Variants in XAB2 observed in about 807,000 individuals in gnomAD.
XAB2 encodes pre-mRNA-splicing factor SYF1.
Under a neutral mutation model 113.4 loss-of-function variants are expected in XAB2, and 57 were observed. That is an observed-to-expected ratio of 0.50 (90% CI 0.41 to 0.63). The LOEUF is 0.63. Ranked by LOEUF, XAB2 falls within the 20% of genes least tolerant of loss-of-function variation. The pLI is 0.00. For synonymous variants in XAB2, 497 were observed against 498.8 expected (o/e 1.00, Z 0.05); for missense variants, 1,037 against 1,233.3 (o/e 0.84, Z 2.38).
intron 16 of XAB2, 99 bp downstream of exon 16, chr19:7,620,176 G>A (rs2030999273): frequency 1.3e-6 from 2 of 1,594,954 alleles, no homozygotes; most frequent in South Asian, 2.2e-5. Context: ...CCCTCAAGGA[G>A]ATTGCCATCA....
Position 7,619,910 on chromosome 19 carries a change from G to A in XAB2, c.2396+36C>T, listed in dbSNP as rs370115615. ...CCCACCCCGGGCCCCCTTGGGACCT[G>A]TCCCAGTCCTGTCCCGTCCAAGGAT... On this transcript the variant is annotated intron_variant, in intron 17 of 18. Transcript: ENST00000358368. 2.3e-4 allele frequency: 369 copies of A among 1,609,816 alleles called. 1 individual carries two copies. The highest frequency in any genetic ancestry group is 1.4e-3 in the African/African-American group (102 of 75,052).
intron 12 of XAB2, chr19:7,621,509 G>C: frequency 1.7e-6 from 1 of 597,348 alleles, no homozygotes; most frequent in Non-Finnish European, 3.0e-6. Context: ...GGTGCAATGG[G>C]ACCTGCTAAG....
chr19:7,619,550 G>C lies in XAB2; in HGVS notation c.*36C>G. 3 of 1,443,236 alleles carry C rather than the reference G, an allele frequency of 2.1e-6. No homozygotes were observed. In the South Asian group the frequency reaches 4.1e-5, roughly 20 times the overall value. The allele number at this position is 1,443,236 out of a possible 1,614,324, so 89.4% of individuals were successfully genotyped here. On this transcript the variant is annotated 3_prime_UTR_variant, in exon 19 of 19. Coordinates refer to ENST00000358368, the MANE Select transcript of XAB2 (RefSeq NM_020196.3). ...TGATGTACAAACGTAGCTGTATTGGGGAGGGGGTGGGGAGGGGGGATGGGG... is the reference window on the plus strand; with the variant it reads ...TGATGTACAAACGTAGCTGTATTGGCGAGGGGGTGGGGAGGGGGGATGGGG...
Position 7,628,723 on chromosome 19 carries a change from C to T in XAB2, c.52-425G>A, listed in dbSNP as rs957507180. On this transcript the variant is annotated intron_variant, in intron 1 of 18. Coordinates refer to ENST00000358368, the MANE Select transcript of XAB2 (RefSeq NM_020196.3). The surrounding 1 kb of genome is among the most constrained non-coding windows in gnomAD (Gnocchi z 4.6). ...CTTTGGCCCCTCAGACTCCCACTGT[C>T]ACCATCTGACCCATCTCCACCCCAG... Among the ~76,000 whole-genome samples the T allele has an allele frequency of 7.9e-5, 12 of 152,154 alleles. No homozygotes were observed. Among genetic ancestry groups the T allele is most frequent in the African/African-American group, 2.7e-4 (11 of 41,422 alleles).
In XAB2 at chr19:7,625,934, G is replaced by C. The variant is rs750501750; in HGVS notation, c.768C>G (p.Gly256=). 1 of 1,613,678 alleles carries C rather than the reference G, an allele frequency of 6.2e-7. No homozygotes were observed. Among genetic ancestry groups the C allele is most frequent in the Non-Finnish European group, 8.5e-7 (1 of 1,179,834 alleles). ...AGTCGGCGAGAGAACACCAGAGCTT[G>C]CCCAGCTGGTCGGTGAAGCGGGTGA... ...GGLTRFTDQL[G]KLWCSLADYY... The change falls in exon 6 of 19, where the codon GGC becomes GGG. Residue 256 remains glycine (G), a synonymous_variant. Coordinates refer to ENST00000358368, the MANE Select transcript of XAB2 (RefSeq NM_020196.3). This position sits in a 1 kb window ranked among gnomAD's most constrained non-coding sequence, Gnocchi z 5.2.
chr19:7,622,469 TTGGAGCTGGTTC>T (rs1568453710), intron 11 of XAB2, 25 bp from the exon 12 acceptor site: 3 of 1,613,964 alleles, frequency 1.9e-6, no homozygotes, highest in South Asian at 1.1e-5. Flanking sequence ...ATGGGAAAGG[TTGGAGCTGGTTC>T]TGGAGCTGAG....
At position 7,623,209 on chromosome 19, in the gene XAB2, C is replaced by T. The variant is rs751693059; in HGVS notation, c.1200G>A (p.Ala400=). The T allele has an allele frequency of 8.1e-6, 13 of 1,613,858 alleles. No individual in the cohort carries two copies. Among genetic ancestry groups the T allele is most frequent in the Admixed American group, 5.0e-5 (3 of 60,026 alleles). ...CGTTGTCCTCATAAAACTTGGCAAA[C>T]GCCACCCACAGAGTGTGGGGCTTGC... is the stretch of plus-strand genomic sequence containing the variant. The part of the protein sequence containing the change: ...ATGKPHTLWV[A]FAKFYEDNGQ... The change falls in exon 9 of 19, where the codon GCG becomes GCA. Residue 400 remains alanine, a synonymous_variant. Transcript: ENST00000358368. This position sits in a 1 kb window ranked among gnomAD's most constrained non-coding sequence, Gnocchi z 4.6.
chr19:7,626,050 G>C lies in XAB2; in HGVS notation c.658-6C>G. On this transcript the variant is annotated splice_polypyrimidine_tract_variant and splice_region_variant and intron_variant, in intron 5 of 18. Coordinates refer to ENST00000358368, the MANE Select transcript of XAB2 (RefSeq NM_020196.3). ...TCGCACAGCTCGTGCCACAGCTGCA[G>C]GGCATGGGGCAGTGGGGGAGAGTCT... The C allele has an allele frequency of 6.2e-7, 1 of 1,608,184 alleles. No individual in the cohort carries two copies. The highest frequency in any genetic ancestry group is 8.5e-7 in the Non-Finnish European group (1 of 1,175,480).
intron 12 of XAB2, 146 bp from the exon 13 acceptor site, chr19:7,621,443 A>C: frequency 1.2e-6 from 1 of 842,238 alleles, no homozygotes; most frequent in Non-Finnish European, 1.9e-6. Context: ...CCCTAATGGC[A>C]GTTGTGGGGG....
In XAB2 at chr19:7,620,343, G is replaced by A. The variant is rs762181946; in HGVS notation, c.2198C>T (p.Thr733Met). The change falls in exon 16 of 19, where the codon ACG (threonine) becomes ATG (methionine). Residue 733 changes from threonine (T) to methionine (M), a missense_variant. By Grantham distance (81) the Thr-to-Met change is moderately conservative. Coordinates refer to ENST00000358368, the MANE Select transcript of XAB2 (RefSeq NM_020196.3). ...CATGAAGTTGACCTGCGTGTTGTAC[G>A]TGGCCTGCACGCTGCGCCGGATACG... ...MLRIRRSVQA[T>M]YNTQVNFMAS... The A allele has an allele frequency of 7.4e-6, 12 of 1,613,650 alleles. No homozygotes were observed. Among genetic ancestry groups the A allele is most frequent in the South Asian group, 5.5e-5 (5 of 91,090 alleles).
chr19:7,623,220 G>C lies in XAB2; in HGVS notation c.1189C>G (p.Leu397Val). ...PFKATGKPHT[L>V]WVAFAKFYED... ...TAAAACTTGGCAAACGCCACCCACA[G>C]AGTGTGGGGCTTGCCTGTGGCCTTG... The change falls in exon 9 of 19, where the codon CTG becomes GTG. Residue 397 changes from leucine (L) to valine (V), a missense_variant. Transcript: ENST00000358368. The surrounding 1 kb of genome is among the most constrained non-coding windows in gnomAD (Gnocchi z 4.6). The C allele has an allele frequency of 1.2e-6, 2 of 1,613,894 alleles. No homozygotes were observed. The highest frequency in any genetic ancestry group is 1.7e-6 in the Non-Finnish European group (2 of 1,180,042).
In XAB2 at chr19:7,625,127, C is replaced by T. The variant is rs1483190284; in HGVS notation, c.823-682G>A. Among the ~76,000 whole-genome samples the T allele has an allele frequency of 1.3e-5, 2 of 152,340 alleles. No homozygotes were observed. Among genetic ancestry groups the T allele is most frequent in the African/African-American group, 2.4e-5 (1 of 41,578 alleles). ...AGCCTCCCCGCTCTCGGCTCTGGCC[C>T]CCTCTGCACCCACCTGCCCCCAGGC... On this transcript the variant is annotated intron_variant, in intron 6 of 18. Coordinates refer to ENST00000358368, the MANE Select transcript of XAB2 (RefSeq NM_020196.3). This position sits in a 1 kb window ranked among gnomAD's most constrained non-coding sequence, Gnocchi z 5.2.
chr19:7,622,467 G>A (rs201784717), intron 11 of XAB2, 23 bp from the exon 12 acceptor site: 1 of 1,614,106 alleles, frequency 6.2e-7, no homozygotes, highest in South Asian at 1.1e-5. Flanking sequence ...GGATGGGAAA[G>A]GTTGGAGCTG....
rs1456281346 is a variant in XAB2 at position 7,628,916 on chromosome 19, G to A, written c.51+561C>T. ...GGAGGAGTTATACACCAGAAGCCAA[G>A]CCTTTAACTCTGCACACCAAGAATC... is the stretch of plus-strand genomic sequence containing the variant. On this transcript the variant is annotated intron_variant, in intron 1 of 18. Transcript: ENST00000358368. This position sits in a 1 kb window ranked among gnomAD's most constrained non-coding sequence, Gnocchi z 4.6. 6.6e-6 allele frequency among the ~76,000 whole-genome samples: 1 copy of A among 152,188 alleles called. No homozygotes were observed. The highest frequency in any genetic ancestry group is 2.4e-5 in the African/African-American group (1 of 41,432).
chr19:7,619,938 G>A lies in XAB2; in HGVS notation c.2396+8C>T, dbSNP rs552087975. 58 of 1,610,556 alleles carry A rather than the reference G, an allele frequency of 3.6e-5. No individual in the cohort carries two copies. In the South Asian group the frequency reaches 4.4e-4, roughly 12 times the overall value. ...CCAGTCCTGTCCCGTCCAAGGATCC[G>A]CCCTCACCTCACGAACAGGATCTTG... On this transcript the variant is annotated splice_region_variant and intron_variant, in intron 17 of 18. Transcript: ENST00000358368.
At position 7,626,169 on chromosome 19, in the gene XAB2, AC is replaced by A; in HGVS notation, c.623del (p.Arg208LeufsTer79). On this transcript the variant is annotated frameshift_variant, in exon 5 of 19. Coordinates refer to ENST00000358368, the MANE Select transcript of XAB2 (RefSeq NM_020196.3). LOFTEE classifies it high-confidence loss of function. ...TGGACTTGCCGGCCTTAGACACGAA[AC>A]GCTCGTCGTTCACCACGGTGGCCAG... ...QRLATVVNDE[R>X]FVSKAGKSNY... The A allele has an allele frequency of 6.2e-7, 1 of 1,613,554 alleles. No homozygotes were observed. Among genetic ancestry groups the A allele is most frequent in the Non-Finnish European group, 8.5e-7 (1 of 1,179,952 alleles).
chr19:7,623,256 C>G lies in XAB2; in HGVS notation c.1153G>C (p.Val385Leu), dbSNP rs778121446. Residue 385 changes from valine (V) to leucine (L), a missense_variant, in exon 9 of 19, where the codon GTG (valine) becomes CTG (leucine). Val to Leu is a conservative substitution (Grantham distance 32, BLOSUM62 1). Transcript: ENST00000358368. This position sits in a 1 kb window ranked among gnomAD's most constrained non-coding sequence, Gnocchi z 4.6. Reference protein sequence around the residue: ...INTYTEAVQTVDPFKATGKPH... With the variant: ...INTYTEAVQTLDPFKATGKPH... ...TTGCCTGTGGCCTTGAAGGGGTCCA[C>G]CGTCTGCACAGCCTCTGTGTAGGTG... 6 of 1,613,670 alleles carry G rather than the reference C, an allele frequency of 3.7e-6. No individual in the cohort carries two copies. In the Admixed American group the frequency reaches 5.0e-5, roughly 13 times the overall value.
rs768110077 is a variant in XAB2 at position 7,627,433 on chromosome 19, C to T, written c.332G>A (p.Arg111His). 19 of 1,604,422 alleles carry T rather than the reference C, an allele frequency of 1.2e-5. No homozygotes were observed. Among genetic ancestry groups the T allele is most frequent in the South Asian group, 8.9e-5 (8 of 90,098 alleles). The part of the protein sequence containing the change: ...RAFVFMHKMP[R>H]LWLDYCQFLM... ...GAACTGGCAGTAATCTAGCCACAGACGAGGCATCTGGGGGTGTGGGGAGAG... is the reference window on the plus strand; with the variant it reads ...GAACTGGCAGTAATCTAGCCACAGATGAGGCATCTGGGGGTGTGGGGAGAG... The change falls in exon 4 of 19, where the codon CGT becomes CAT. Residue 111 changes from arginine (R) to histidine (H), a missense_variant. Transcript: ENST00000358368. The surrounding 1 kb of genome is among the most constrained non-coding windows in gnomAD (Gnocchi z 4.5).
rs770857451 is a variant in XAB2 at position 7,620,435 on chromosome 19, C to T, written c.2106G>A (p.Ala702=). 21 of 1,608,662 alleles carry T rather than the reference C, an allele frequency of 1.3e-5. No individual in the cohort carries two copies. The highest frequency in any genetic ancestry group is 5.5e-5 in the South Asian group (5 of 91,004). The part of the protein sequence containing the change: ...SQICDPRTTG[A]FWQTWKDFEV... The stretch of plus-strand genomic sequence containing the variant: ...CAAAGTCCTTCCACGTCTGCCAGAA[C>T]GCGCCGGTCGTCTGCGTGGGGGGCA... Residue 702 remains alanine, a synonymous_variant, in exon 16 of 19, where the codon GCG becomes GCA. Transcript: ENST00000358368.
Sources: allele counts gnomAD v4.1 joint callset (sites outside exome capture counted in the v4.1 genomes callset), GRCh38; gene constraint gnomAD v4.1.1; non-coding constraint Gnocchi (gnomAD v3.1); transcripts MANE v1.5; gene names NCBI Gene and HGNC (gene_info 2026-07-23, HGNC 2026-07-21).